The following TOX2 variants were observed in gnomAD, a reference collection of about 807,000 sequenced individuals.
The protein encoded by TOX2 is TOX high mobility group box family member 2, also known as granulosa cell HMG box 1.
TOX2 carries 15 observed loss-of-function variants against 47.4 expected under a neutral mutation model. The observed-to-expected ratio is 0.32, with a 90% confidence interval of 0.21 to 0.49. The LOEUF (loss-of-function observed/expected upper bound fraction) is 0.49. TOX2 is among the 20% of genes least tolerant of loss of function. TOX2 has a pLI of 0.99. For missense variants in TOX2, 622 were observed against 673.1 expected (o/e 0.92, Z 0.84); for synonymous variants, 290 against 296.6 (o/e 0.98, Z 0.23).
intron 1 of TOX2, among the ~76,000 whole-genome samples, chr20:43,968,171 C>CCCAT (rs916454941): frequency 1.3e-5 from 2 of 152,184 alleles, no homozygotes; most frequent in South Asian, 2.1e-4. Flanking sequence ...CACCCATCTG[C>CCCAT]CCATCCATCC....
intron 3 of TOX2, chr20:44,007,454 AG>A (rs2070707534): frequency 6.6e-6 from 1 of 152,566 alleles, no homozygotes; most frequent in South Asian, 2.1e-4. Flanking sequence ...GAAACAGAGC[AG>A]GTCAAAACTC....
chr20:44,053,443 C>T (rs36057013), intron 4 of TOX2, among the ~76,000 whole-genome samples: 67,998 of 137,718 alleles, frequency 0.49, 16,447 homozygotes, highest in East Asian at 0.57. Context: ...GATATATACA[C>T]ACACACACAC....
intron 3 of TOX2, among the ~76,000 whole-genome samples, chr20:44,048,963 C>T (rs2071462480): frequency 6.6e-6 from 1 of 152,166 alleles, no homozygotes; most frequent in Admixed American, 6.5e-5. Flanking sequence ...ATGGCGAAAC[C>T]CCGTCTCGCT....
At chr20:43,956,961 G>T (rs1446568616) in intron 1 of TOX2, among the ~76,000 whole-genome samples, 1 of 152,038 alleles carries the variant, frequency 6.6e-6, no homozygotes, top group Non-Finnish European at 1.5e-5. Context: ...TTTCTACCTT[G>T]TATATATTAA....
chr20:43,951,738 G>T (rs1360444581), intron 1 of TOX2, among the ~76,000 whole-genome samples: 2 of 34,842 alleles, frequency 5.7e-5, no homozygotes, highest in African/African-American at 1.6e-4. Context: ...TAGAGAAAGG[G>T]TCTTGCTCTG....
At chr20:43,981,216 G>A (rs528028227) in intron 2 of TOX2, among the ~76,000 whole-genome samples, 2 of 152,236 alleles carry the variant, frequency 1.3e-5, no homozygotes, top group South Asian at 4.2e-4. Flanking sequence ...ACATTTCTGT[G>A]GGCAGGGTAA....
intron 8 of TOX2, among the ~76,000 whole-genome samples, chr20:44,068,108 TCCCTGCACCCCAAG>T (rs1166348875): frequency 6.6e-6 from 1 of 152,016 alleles, no homozygotes; most frequent in African/African-American, 2.4e-5. Context: ...AAGAATCCCT[TCCCTGCACCCCAAG>T]CAGGTGCAGA....
chr20:43,922,480 G>A (rs2069122444), intron 1 of TOX2, among the ~76,000 whole-genome samples: 1 of 152,146 alleles, frequency 6.6e-6, no homozygotes, highest in Non-Finnish European at 1.5e-5. Context: ...TCTGGCCAGG[G>A]CTTCAGTCCA....
chr20:44,020,725 C>T lies in TOX2; in HGVS notation c.411+13933C>T, dbSNP rs188979486. On this transcript the variant is annotated intron_variant, in intron 3 of 8. Transcript: ENST00000341197. ...CTCGGCTGGGCCCAGCAGCCCATGC[C>T]TAACCACGCCTCCAGGGGCTTCTAA... Among the ~76,000 whole-genome samples the T allele has an allele frequency of 3.2e-3, 491 of 152,342 alleles. 4 individuals carry two copies. Among genetic ancestry groups the T allele is most frequent in the African/African-American group, 0.011 (469 of 41,578 alleles).
At chr20:43,958,687 A>G (rs1276030887) in intron 1 of TOX2, among the ~76,000 whole-genome samples, 1 of 152,208 alleles carries the variant, frequency 6.6e-6, no homozygotes, top group African/African-American at 2.4e-5. Flanking sequence ...AGGAATGTTC[A>G]CCGTGCCCTT....
At chr20:43,937,825 G>C (rs1023921143) in intron 1 of TOX2, among the ~76,000 whole-genome samples, 1 of 152,198 alleles carries the variant, frequency 6.6e-6, no homozygotes, top group Admixed American at 6.5e-5. Context: ...TCTGAAGGCA[G>C]ATCAGGGGCT....
chr20:44,012,638 C>T (rs1269758810), intron 3 of TOX2, among the ~76,000 whole-genome samples: 1 of 152,156 alleles, frequency 6.6e-6, no homozygotes, highest in African/African-American at 2.4e-5. Flanking sequence ...TTACTTCTCT[C>T]CCAGCCTCAG....
intron 3 of TOX2, among the ~76,000 whole-genome samples, chr20:44,029,760 G>T (rs1310174502): frequency 2.0e-5 from 3 of 152,082 alleles, no homozygotes; most frequent in Non-Finnish European, 4.4e-5. Context: ...CTCCCCTCGT[G>T]GTCCCAGCAG....
At chr20:43,951,495 C>T (rs951488845) in intron 1 of TOX2, among the ~76,000 whole-genome samples, 16 of 151,876 alleles carry the variant, frequency 1.1e-4, no homozygotes, top group African/African-American at 2.4e-4. Flanking sequence ...GAGAATCACT[C>T]GAACCCAGGA....
At chr20:44,049,074 C>G (rs1221815364) in intron 3 of TOX2, among the ~76,000 whole-genome samples, 2 of 152,366 alleles carry the variant, frequency 1.3e-5, no homozygotes, top group South Asian at 2.1e-4. Flanking sequence ...CGCCACTGCA[C>G]TCCAGCCTGC....
intron 2 of TOX2, among the ~76,000 whole-genome samples, chr20:43,998,056 G>A (rs2070509265): frequency 6.6e-6 from 1 of 152,146 alleles, no homozygotes; most frequent in Non-Finnish European, 1.5e-5. Context: ...GGCATGGCTA[G>A]GGAGGCCTCA....
At chr20:43,957,507 T>C (rs1472387174) in intron 1 of TOX2, among the ~76,000 whole-genome samples, 1 of 152,200 alleles carries the variant, frequency 6.6e-6, no homozygotes. Flanking sequence ...GTTGTCAAGA[T>C]TGAGCAGAAG....
intron 8 of TOX2, among the ~76,000 whole-genome samples, chr20:44,067,266 G>A (rs184973939): frequency 2.9e-4 from 44 of 152,236 alleles, no homozygotes; most frequent in Admixed American, 2.9e-3. Context: ...GGCAGGACAG[G>A]GTGGGGGAAG....
At chr20:43,929,562 G>T (rs1342338279) in intron 1 of TOX2, among the ~76,000 whole-genome samples, 1 of 152,078 alleles carries the variant, frequency 6.6e-6, no homozygotes, top group African/African-American at 2.4e-5. Context: ...GAATGTTCTT[G>T]CCCTCATTCT....
Sources: gnomAD v4.1 joint callset for allele counts (sites outside exome capture counted in the v4.1 genomes callset) on GRCh38, gnomAD v4.1.1 for gene constraint, MANE v1.5 for transcripts, NCBI Gene and HGNC (gene_info 2026-07-23, HGNC 2026-07-21) for gene names.